The following PPT2 variants were observed in gnomAD, a reference collection of about 807,000 sequenced individuals.
The protein encoded by PPT2 is palmitoyl-protein thioesterase 2, also known as lysosomal thioesterase PPT2.
Under a neutral mutation model 37.3 loss-of-function variants are expected in PPT2, and 20 were observed. The ratio of observed to expected loss-of-function variants is 0.54; its 90% CI spans 0.38 to 0.78. PPT2 has a LOEUF of 0.78. PPT2 is among the 30% of genes least tolerant of loss of function. The pLI is 0.00. For missense variants in PPT2, 270 were observed against 389.8 expected (o/e 0.69, Z 2.59); for synonymous variants, 135 against 159.1 (o/e 0.85, Z 1.14).
chr6:32,158,044 A>C, intron 7 of PPT2, 120 bp downstream of exon 7: 1 of 864,580 alleles, frequency 1.2e-6, no homozygotes, highest in Non-Finnish European at 1.8e-6. Context: ...TCCTCCCCCC[A>C]TTCATCATGT....
chr6:32,153,908 G>T, upstream of PPT2: 1 of 1,322,310 alleles, frequency 7.6e-7, no homozygotes, highest in Non-Finnish European at 9.9e-7. This position sits in a 1 kb window ranked among gnomAD's most constrained non-coding sequence, Gnocchi z 4.4. Flanking sequence ...ACGAAGCCTG[G>T]AGAGGCCTTC....
At chr6:32,157,405 G>T (rs1035780225) in intron 5 of PPT2, 18 of 576,718 alleles carry the variant, frequency 3.1e-5, no homozygotes, top group Non-Finnish European at 5.0e-5. Flanking sequence ...TAGAGACAGG[G>T]TTTCGCCATG....
At chr6:32,159,451 A>AAAATAT (rs1290087556) in intron 7 of PPT2, among the ~76,000 whole-genome samples, 1 of 115,120 alleles carries the variant, frequency 8.7e-6, no homozygotes, top group African/African-American at 3.5e-5. Context: ...AAAAAAAAAA[A>AAAATAT]ATATATATAT....
chr6:32,159,206 A>AG (rs1783981486), intron 7 of PPT2, among the ~76,000 whole-genome samples: 1 of 151,870 alleles, frequency 6.6e-6, no homozygotes, highest in Non-Finnish European at 1.5e-5. Context: ...AGGCCGAGGC[A>AG]GTGGATCACC....
chr6:32,153,993 C>T (rs1356863549), upstream of PPT2: 22 of 1,274,322 alleles, frequency 1.7e-5, no homozygotes, highest in Non-Finnish European at 2.2e-5. The surrounding 1 kb of genome is among the most constrained non-coding windows in gnomAD (Gnocchi z 4.4). Context: ...CCTGTTTCCT[C>T]CCCAGCACCT....
In PPT2 at chr6:32,155,138, A is replaced by G; in HGVS notation, c.292A>G (p.Met98Val). The G allele has an allele frequency of 6.2e-7, 1 of 1,613,088 alleles. No individual in the cohort carries two copies. The highest frequency in any genetic ancestry group is 8.5e-7 in the Non-Finnish European group (1 of 1,179,990). ...GTTCCGAGAGGCTGTGGTCCCCATCATGGCAAAGGCCCCTCAAGGGGTGCA... is the reference window on the plus strand; with the variant it reads ...GTTCCGAGAGGCTGTGGTCCCCATCGTGGCAAAGGCCCCTCAAGGGGTGCA... ...QGFREAVVPI[M>V]AKAPQGVHLI... is the part of the protein sequence containing the mutation. The change falls in exon 3 of 9, where the codon ATG (methionine) becomes GTG (valine). Residue 98 changes from methionine (M) to valine (V), a missense_variant. By Grantham distance (21) the Met-to-Val change is conservative. Transcript: ENST00000324816. The surrounding 1 kb of genome is among the most constrained non-coding windows in gnomAD (Gnocchi z 4.3).
At chr6:32,159,553 C>T (rs889878497) in intron 7 of PPT2, among the ~76,000 whole-genome samples, 8 of 148,822 alleles carry the variant, frequency 5.4e-5, no homozygotes, top group South Asian at 2.1e-4. Flanking sequence ...TGGGAAGGCA[C>T]TGGACAGTTT....
In PPT2 at chr6:32,157,868, C is replaced by T. The variant is rs72842483; in HGVS notation, c.654C>T (p.Gly218=). 4.1e-3 allele frequency: 6,572 copies of T among 1,612,822 alleles called. 25 individuals carry two copies. Among genetic ancestry groups the T allele is most frequent in the Non-Finnish European group, 4.7e-3 (5,568 of 1,179,836 alleles). The change falls in exon 7 of 9, where the codon GGC becomes GGT. Residue 218 remains glycine (G), a synonymous_variant. Coordinates refer to ENST00000324816, the MANE Select transcript of PPT2 (RefSeq NM_005155.7). ...TVWRKNFLRV[G]HLVLIGGPDD... ...GGCGGAAGAACTTTCTGCGTGTGGG[C>T]CACCTGGTGCTGATTGGGGGCCCTG...
chr6:32,157,825 C>T lies in PPT2; in HGVS notation c.626-15C>T. 6.2e-7 allele frequency: 1 copy of T among 1,610,282 alleles called. No homozygotes were observed. Among genetic ancestry groups the T allele is most frequent in the Non-Finnish European group, 8.5e-7 (1 of 1,177,478 alleles). On this transcript the variant is annotated splice_polypyrimidine_tract_variant and intron_variant, in intron 6 of 8. Coordinates refer to ENST00000324816, the MANE Select transcript of PPT2 (RefSeq NM_005155.7). Reference sequence around the variant, plus strand: ...CCCTGTGGCTGACTCAGCCTCTCTTCTTCCCATCCTACAGTATGGCGGAAG... The same window carrying T: ...CCCTGTGGCTGACTCAGCCTCTCTTTTTCCCATCCTACAGTATGGCGGAAG...
chr6:32,160,002 G>T (rs993370397), intron 7 of PPT2, among the ~76,000 whole-genome samples: 1 of 151,170 alleles, frequency 6.6e-6, no homozygotes, highest in Non-Finnish European at 1.5e-5. Flanking sequence ...TTACAGGCGT[G>T]AGCCACTGCG....
Position 32,162,859 on chromosome 6 carries a change from T to C in PPT2, c.818T>C (p.Ile273Thr). 3.1e-6 allele frequency: 5 copies of C among 1,613,702 alleles called. 1 individual carries two copies. Among genetic ancestry groups the C allele is most frequent in the Non-Finnish European group, 4.2e-6 (5 of 1,179,622 alleles). The part of the protein sequence containing the change: ...GLKTLLARGA[I>T]VRCPMAGISH... ...AAGACTCTATTGGCCCGGGGGGCCA[T>C]AGTGAGGTGTCCAATGGCCGGTATC... The change falls in exon 9 of 9, where the codon ATA becomes ACA. Residue 273 changes from isoleucine (I) to threonine (T), a missense_variant. Transcript: ENST00000324816. The surrounding 1 kb of genome is among the most constrained non-coding windows in gnomAD (Gnocchi z 5.5).
chr6:32,163,136 T>C lies in PPT2; in HGVS notation c.*186T>C. 1 of 636,620 alleles carries C rather than the reference T, an allele frequency of 1.6e-6. No homozygotes were observed. The highest frequency in any genetic ancestry group is 2.6e-6 in the Non-Finnish European group (1 of 377,930). 39.4% of individuals were successfully genotyped at this position (636,620 alleles called of 1,614,324 possible). A position where few individuals can be genotyped will look rare whatever the true frequency, so the allele number is the denominator to read the frequency against. The stretch of plus-strand genomic sequence containing the variant: ...AGAACCCCCTTCCTCTGCTCCTCCA[T>C]GAATGACAATTCCAGGCCTCCCCTA... On this transcript the variant is annotated 3_prime_UTR_variant, in exon 9 of 9. Coordinates refer to ENST00000324816, the MANE Select transcript of PPT2 (RefSeq NM_005155.7).
intron 7 of PPT2, among the ~76,000 whole-genome samples, chr6:32,161,875 C>G (rs371272895): frequency 1.3e-5 from 2 of 152,014 alleles, no homozygotes; most frequent in African/African-American, 2.4e-5. Context: ...TGAGCCACCA[C>G]GCCCAGCTAA....
intron 7 of PPT2, among the ~76,000 whole-genome samples, chr6:32,160,826 T>C (rs1408271651): frequency 6.6e-6 from 1 of 151,784 alleles, no homozygotes; most frequent in Non-Finnish European, 1.5e-5. Flanking sequence ...TGTCTTTACC[T>C]AAAATACAAA....
At chr6:32,153,764 ACCTTTCCCT>A, upstream of PPT2, 1 of 1,250,192 alleles carries the variant, frequency 8.0e-7, no homozygotes. The surrounding 1 kb of genome is among the most constrained non-coding windows in gnomAD (Gnocchi z 4.4). Flanking sequence ...GCAGAGGACT[ACCTTTCCCT>A]GGTCCGCCCC....
chr6:32,159,102 C>A (rs2127392682), intron 7 of PPT2, among the ~76,000 whole-genome samples: 1 of 152,182 alleles, frequency 6.6e-6, no homozygotes, highest in East Asian at 1.9e-4. Context: ...CACCATCCAT[C>A]TCCAGAACTT....
chr6:32,154,142 T>G lies in PPT2; in HGVS notation c.-271T>G. On this transcript the variant is annotated 5_prime_UTR_variant, in exon 1 of 9. Transcript: ENST00000324816. The surrounding 1 kb of genome is among the most constrained non-coding windows in gnomAD (Gnocchi z 7.3). ...AGCCCGCCCTTCCCCCTCCCATCCG[T>G]CATTCCCCTGCGCTCTCTTTCCTCA... 9.2e-7 allele frequency: 1 copy of G among 1,087,806 alleles called. No individual in the cohort carries two copies. Among genetic ancestry groups the G allele is most frequent in the Non-Finnish European group, 1.1e-6 (1 of 894,306 alleles). 67.4% of individuals were successfully genotyped at this position (1,087,806 alleles called of 1,614,324 possible).
In PPT2 at chr6:32,157,624, T is replaced by A. The variant is rs1359542424; in HGVS notation, c.542-13T>A. 17 of 1,566,622 alleles carry A rather than the reference T, an allele frequency of 1.1e-5. No homozygotes were observed. The highest frequency in any genetic ancestry group is 1.5e-5 in the Non-Finnish European group (17 of 1,137,778). On this transcript the variant is annotated splice_polypyrimidine_tract_variant and intron_variant, in intron 5 of 8. Transcript: ENST00000324816. ...CTTTTCTGCTTCTTTTTCTAACTGC[T>A]GTTTGTACCCAGATCCCCACCACGA...
chr6:32,157,396 A>G (rs1783868499), intron 5 of PPT2: 2 of 560,774 alleles, frequency 3.6e-6, no homozygotes, highest in African/African-American at 3.8e-5. Context: ...TATTTTTAGT[A>G]GAGACAGGGT....
Sources: allele counts gnomAD v4.1 joint callset (sites outside exome capture counted in the v4.1 genomes callset), GRCh38; gene constraint gnomAD v4.1.1; non-coding constraint Gnocchi (gnomAD v3.1); transcripts MANE v1.5; gene names NCBI Gene and HGNC (gene_info 2026-07-23, HGNC 2026-07-21).